The following RSPO2 variants were observed in gnomAD, a reference collection of about 807,000 sequenced individuals.
The protein encoded by RSPO2 is R-spondin-2.
RSPO2 carries 14 observed loss-of-function variants against 30.9 expected under a neutral mutation model. That is an observed-to-expected ratio of 0.45 (90% CI 0.30 to 0.71). RSPO2 has a LOEUF of 0.71. RSPO2 is among the 30% of genes least tolerant of loss of function. RSPO2 has a pLI of 0.08. For synonymous variants in RSPO2, 107 were observed against 96.4 expected (o/e 1.11, Z -0.64); for missense variants, 264 against 301.9 (o/e 0.87, Z 0.93).
At chr8:107,960,261 T>C (rs1813583187) in intron 4 of RSPO2, among the ~76,000 whole-genome samples, 1 of 152,124 alleles carries the variant, frequency 6.6e-6, no homozygotes, top group African/African-American at 2.4e-5. Flanking sequence ...AGTTTTTTTT[T>C]TTAAACAAAC....
At chr8:108,082,367 A>G (rs929608129) in intron 2 of RSPO2, among the ~76,000 whole-genome samples, 178 bp downstream of exon 2, 7 of 152,114 alleles carry the variant, frequency 4.6e-5, no homozygotes, top group African/African-American at 1.4e-4. Context: ...TCCAGGGTAC[A>G]GAAAACAGAG....
intron 2 of RSPO2, among the ~76,000 whole-genome samples, chr8:108,003,806 T>TA (rs1815362748): frequency 6.6e-6 from 1 of 152,150 alleles, no homozygotes; most frequent in Non-Finnish European, 1.5e-5. Flanking sequence ...CAGAGAGTTT[T>TA]AAAAAATCTT....
At chr8:108,030,912 A>C (rs1351306247) in intron 2 of RSPO2, among the ~76,000 whole-genome samples, 1 of 152,222 alleles carries the variant, frequency 6.6e-6, no homozygotes, top group Non-Finnish European at 1.5e-5. Flanking sequence ...TTTCACATTC[A>C]TTGAAATCAC....
At chr8:108,022,093 C>A (rs1811075689) in intron 2 of RSPO2, among the ~76,000 whole-genome samples, 2 of 152,166 alleles carry the variant, frequency 1.3e-5, no homozygotes, top group Non-Finnish European at 1.5e-5. Context: ...AGTACTGACA[C>A]TTTATCCCTC....
intron 5 of RSPO2, among the ~76,000 whole-genome samples, chr8:107,953,636 G>C (rs894731278): frequency 2.6e-5 from 4 of 152,136 alleles, no homozygotes; most frequent in Admixed American, 1.3e-4. Flanking sequence ...CAAGGAAAAA[G>C]CACAGGAAAA....
chr8:108,077,037 G>A (rs1813036167), intron 2 of RSPO2, among the ~76,000 whole-genome samples: 1 of 152,028 alleles, frequency 6.6e-6, no homozygotes, highest in African/African-American at 2.4e-5. Context: ...GGCAATGAGG[G>A]GAGTATGACT....
At chr8:107,934,917 C>A (rs1812665870) in intron 5 of RSPO2, among the ~76,000 whole-genome samples, 1 of 152,156 alleles carries the variant, frequency 6.6e-6, no homozygotes, top group Non-Finnish European at 1.5e-5. Flanking sequence ...CCATCATCTT[C>A]ATAAGCTGAG....
chr8:107,900,826 G>T lies in RSPO2; in HGVS notation c.*249C>A. 2.7e-6 allele frequency: 1 copy of T among 373,792 alleles called. No individual in the cohort carries two copies. The highest frequency in any genetic ancestry group is 4.8e-6 in the Non-Finnish European group (1 of 208,478). The allele number at this position is 373,792 out of a possible 1,614,324, so 23.2% of individuals were successfully genotyped here. A position where few individuals can be genotyped will look rare whatever the true frequency, so the allele number is the denominator to read the frequency against. On this transcript the variant is annotated 3_prime_UTR_variant, in exon 6 of 6. Transcript: ENST00000276659. ...TAGCATGTCCATGGTGCCGGGGACG[G>T]ATTCTCTCAGCACACACTGAGCCAA...
chr8:107,919,594 G>A (rs1361963666), intron 5 of RSPO2, among the ~76,000 whole-genome samples: 2 of 152,240 alleles, frequency 1.3e-5, no homozygotes, highest in South Asian at 2.1e-4. Context: ...GCACTTGACG[G>A]ATTAGCTGGC....
At chr8:108,014,347 T>C (rs1810806162) in intron 2 of RSPO2, among the ~76,000 whole-genome samples, 1 of 152,158 alleles carries the variant, frequency 6.6e-6, no homozygotes, top group African/African-American at 2.4e-5. Context: ...TTACCAGGTA[T>C]ATACCCAAAG....
intron 3 of RSPO2, among the ~76,000 whole-genome samples, chr8:107,963,522 CAAAAAAAAAAAAA>C (rs61697128): frequency 2.8e-4 from 9 of 32,014 alleles, no homozygotes; most frequent in Admixed American, 1.2e-3. Context: ...AGACCTGTCT[CAAAAAAAAAAAAA>C]AAAAAAAAAA....
At chr8:108,003,247 ATGTATG>A (rs368729862) in intron 2 of RSPO2, among the ~76,000 whole-genome samples, 3,105 of 60,296 alleles carry the variant, frequency 0.051, 228 homozygotes, top group African/African-American at 0.19. Context: ...ATATGTATGT[ATGTATG>A]TGTGTGTGTG....
At chr8:107,978,838 A>C in intron 3 of RSPO2, among the ~76,000 whole-genome samples, 1 of 152,224 alleles carries the variant, frequency 6.6e-6, no homozygotes, top group Non-Finnish European at 1.5e-5. Flanking sequence ...TTACCAGAAA[A>C]AAACAAACAA....
chr8:107,959,453 G>T (rs941652113), intron 4 of RSPO2, among the ~76,000 whole-genome samples: 1 of 152,146 alleles, frequency 6.6e-6, no homozygotes, highest in Non-Finnish European at 1.5e-5. Flanking sequence ...CAACTTCACC[G>T]TTAAAACTCC....
chr8:108,006,536 T>C (rs1327326339), intron 2 of RSPO2, among the ~76,000 whole-genome samples: 1 of 151,480 alleles, frequency 6.6e-6, no homozygotes, highest in Non-Finnish European at 1.5e-5. Flanking sequence ...GATATTAAAA[T>C]ATAAGACAGA....
chr8:107,948,866 A>AAAT lies in RSPO2; in HGVS notation c.616+9213_616+9214insATT, dbSNP rs1813149813. Among the ~76,000 whole-genome samples, 168 of 145,888 alleles carry AAAT rather than the reference A, an allele frequency of 1.2e-3. 1 individual carries two copies. The highest frequency in any genetic ancestry group is 3.8e-3 in the African/African-American group (152 of 39,922). The stretch of plus-strand genomic sequence containing the variant: ...CAGAGCAAGACTCCATCTCAAAAAA[A>AAAT]AAATAAATAAATAAATAAATAAAAA... On this transcript the variant is annotated intron_variant, in intron 5 of 5. Transcript: ENST00000276659.
Position 107,965,163 on chromosome 8 carries a change from G to T in RSPO2, c.284-4346C>A, listed in dbSNP as rs1813756573. ...GTTTTAAGTCCTCGTTCAAATAAAA[G>T]ACCCTAGTTCAGCCAACTTACATGC... On this transcript the variant is annotated intron_variant, in intron 3 of 5. Transcript: ENST00000276659. Among the ~76,000 whole-genome samples the T allele has an allele frequency of 2.6e-5, 4 of 152,066 alleles. No homozygotes were observed. In the South Asian group the frequency reaches 8.3e-4, roughly 32 times the overall value.
intron 2 of RSPO2, among the ~76,000 whole-genome samples, chr8:107,998,313 T>C (rs1815099613): frequency 6.6e-6 from 1 of 152,038 alleles, no homozygotes; most frequent in Non-Finnish European, 1.5e-5. Context: ...GTTGGATACA[T>C]TCTCCCCACT....
intron 2 of RSPO2, among the ~76,000 whole-genome samples, chr8:107,999,644 A>G (rs1815160848): frequency 6.6e-6 from 1 of 152,168 alleles, no homozygotes; most frequent in African/African-American, 2.4e-5. Context: ...CATGTTGGCC[A>G]GGCTGGTCTC....
Sources: gnomAD v4.1 joint callset for allele counts (sites outside exome capture counted in the v4.1 genomes callset) on GRCh38, gnomAD v4.1.1 for gene constraint, MANE v1.5 for transcripts, NCBI Gene and HGNC (gene_info 2026-07-23, HGNC 2026-07-21) for gene names.